The following EPHA6 variants were observed in gnomAD, a reference collection of about 807,000 sequenced individuals.
EPHA6 encodes the protein EPH receptor A6.
In EPHA6, 50 loss-of-function variants were observed where a neutral mutation model predicts 112.0. The ratio of observed to expected loss-of-function variants is 0.45; its 90% confidence interval spans 0.36 to 0.56. EPHA6 has a LOEUF of 0.56. Among genes scored for constraint, EPHA6 ranks in the 20% least tolerant of loss-of-function variants. The pLI is 0.00. For synonymous variants in EPHA6, 529 were observed against 490.7 expected (o/e 1.08, Z -1.03); for missense variants, 1,280 against 1,417.4 (o/e 0.90, Z 1.56).
intron 5 of EPHA6, among the ~76,000 whole-genome samples, chr3:97,384,177 T>G (rs2109030632): frequency 6.6e-6 from 1 of 152,356 alleles, no homozygotes; most frequent in South Asian, 2.1e-4. Context: ...CCAACTATTT[T>G]GAGTGGTTGC....
chr3:97,133,614 T>C (rs971406614), intron 3 of EPHA6, among the ~76,000 whole-genome samples: 8 of 152,072 alleles, frequency 5.3e-5, no homozygotes, highest in Non-Finnish European at 1.2e-4. Context: ...AGTTACAATG[T>C]ATTTTGTAAA....
chr3:97,601,834 A>G (rs1429051376), intron 12 of EPHA6, among the ~76,000 whole-genome samples: 8 of 152,108 alleles, frequency 5.3e-5, no homozygotes, highest in Non-Finnish European at 8.8e-5. Context: ...TACATGAAAT[A>G]TATTCTGTTT....
intron 13 of EPHA6, among the ~76,000 whole-genome samples, chr3:97,611,969 T>C (rs931364213): frequency 6.6e-6 from 1 of 152,108 alleles, no homozygotes; most frequent in African/African-American, 2.4e-5. Flanking sequence ...GATGTCCAGA[T>C]TCAATCCTAG....
At chr3:97,696,159 CT>C (rs985252133) in intron 14 of EPHA6, among the ~76,000 whole-genome samples, 13 of 152,192 alleles carry the variant, frequency 8.5e-5, no homozygotes, top group African/African-American at 2.7e-4. Context: ...CCCAACACTG[CT>C]TGTTCCATCA....
rs148345548 is a variant in EPHA6, at chr3:97,697,061, C to T, written c.2785-23200C>T. 1.1e-3 allele frequency among the ~76,000 whole-genome samples: 174 copies of T among 152,290 alleles called. 1 individual carries two copies. In the Middle Eastern group the frequency reaches 0.014, roughly 12 times the overall value. On this transcript the variant is annotated intron_variant, in intron 14 of 17. Transcript: ENST00000389672. ...TCCAGGCATAGACTCAAAACAAGTT[C>T]GTTGTATTTTCCTAAACCTCATCAG... is the stretch of plus-strand genomic sequence containing the variant.
At chr3:97,054,922 C>T (rs184474305) in intron 3 of EPHA6, among the ~76,000 whole-genome samples, 16 of 152,104 alleles carry the variant, frequency 1.1e-4, no homozygotes, top group African/African-American at 3.4e-4. Context: ...ATTGCCCTCT[C>T]TACCATTTAA....
At chr3:97,084,257 T>C (rs145078050) in intron 3 of EPHA6, among the ~76,000 whole-genome samples, 7 of 151,348 alleles carry the variant, frequency 4.6e-5, no homozygotes, top group African/African-American at 1.5e-4. Context: ...ACTTGCTAAA[T>C]GTATTTGTGT....
chr3:96,932,886 G>A (rs2040395497), intron 2 of EPHA6, among the ~76,000 whole-genome samples: 1 of 152,018 alleles, frequency 6.6e-6, no homozygotes. Flanking sequence ...GATTTATCTG[G>A]TTAACATATG....
intron 14 of EPHA6, among the ~76,000 whole-genome samples, chr3:97,650,481 G>A (rs1168035600): frequency 6.6e-6 from 1 of 151,816 alleles, no homozygotes; most frequent in African/African-American, 2.4e-5. Flanking sequence ...TAAAACAAAT[G>A]AAAAAGATTT....
At chr3:97,233,866 T>A (rs2078605113) in intron 4 of EPHA6, among the ~76,000 whole-genome samples, 1 of 152,154 alleles carries the variant, frequency 6.6e-6, no homozygotes, top group African/African-American at 2.4e-5. Flanking sequence ...ACCAAAATAT[T>A]TGGCCAGTAA....
intron 14 of EPHA6, among the ~76,000 whole-genome samples, chr3:97,701,369 T>A (rs1176254754): frequency 6.6e-6 from 1 of 152,094 alleles, no homozygotes; most frequent in African/African-American, 2.4e-5. Context: ...ATGTTCCATC[T>A]TGGGAGGATC....
chr3:97,144,381 A>C (rs2075987307), intron 3 of EPHA6, among the ~76,000 whole-genome samples: 1 of 151,438 alleles, frequency 6.6e-6, no homozygotes, highest in Non-Finnish European at 1.5e-5. Flanking sequence ...GCTTATAACA[A>C]AAAGAAAGAA....
At chr3:96,934,104 T>C (rs1283150990) in intron 2 of EPHA6, among the ~76,000 whole-genome samples, 1 of 151,980 alleles carries the variant, frequency 6.6e-6, no homozygotes, top group Non-Finnish European at 1.5e-5. Flanking sequence ...TTTAAAAATA[T>C]GAAATACCTT....
chr3:97,481,214 T>C, intron 9 of EPHA6: 2 of 1,261,070 alleles, frequency 1.6e-6, no homozygotes, highest in Non-Finnish European at 2.3e-6. Context: ...AAAGACAACC[T>C]TTTTCTCCAT....
chr3:97,499,902 C>T (rs906127779), intron 10 of EPHA6, among the ~76,000 whole-genome samples: 1 of 152,060 alleles, frequency 6.6e-6, no homozygotes, highest in African/African-American at 2.4e-5. Flanking sequence ...ACTTAGACTA[C>T]ACTAAATGTA....
At chr3:97,253,436 C>T (rs1335973622) in intron 5 of EPHA6, among the ~76,000 whole-genome samples, 2 of 152,234 alleles carry the variant, frequency 1.3e-5, no homozygotes, top group African/African-American at 2.4e-5. Context: ...TTTCAGTTAT[C>T]GATACTTTTA....
chr3:97,209,044 G>T (rs190251586), intron 3 of EPHA6, among the ~76,000 whole-genome samples: 1 of 152,174 alleles, frequency 6.6e-6, no homozygotes, highest in African/African-American at 2.4e-5. Flanking sequence ...TGACTAATAA[G>T]TGTACATTAA....
At chr3:97,199,652 C>T (rs954717145) in intron 3 of EPHA6, among the ~76,000 whole-genome samples, 2 of 152,120 alleles carry the variant, frequency 1.3e-5, no homozygotes, top group East Asian at 1.9e-4. Context: ...TATATCAGTT[C>T]TTTGAGAAAA....
chr3:96,970,379 C>T (rs1034563927), intron 2 of EPHA6, among the ~76,000 whole-genome samples: 1 of 151,910 alleles, frequency 6.6e-6, no homozygotes, highest in Admixed American at 6.6e-5. Context: ...TCCAGTGAGT[C>T]ATGTGATGTT....
Sources: allele counts gnomAD v4.1 joint callset (sites outside exome capture counted in the v4.1 genomes callset), GRCh38; gene constraint gnomAD v4.1.1; transcripts MANE v1.5; gene names NCBI Gene and HGNC (gene_info 2026-07-23, HGNC 2026-07-21).